ZNF114: variants seen among roughly 807,000 people sequenced by gnomAD.
ZNF114 encodes the protein zinc finger protein 114, also known as zinc finger protein 114 (Y18).
Under a neutral mutation model 6.8 loss-of-function variants are expected in ZNF114, and 8 were observed. The observed-to-expected ratio is 1.18, with a 90% CI of 0.69 to 2.13. ZNF114 has a LOEUF of 2.13. ZNF114 is among the 30% of genes most tolerant of loss of function. The pLI is 0.00. For synonymous variants in ZNF114, 169 were observed against 185.5 expected, an observed-to-expected ratio of 0.91 and a Z score of 0.72; for missense variants, 472 against 519.5, an observed-to-expected ratio of 0.91 and a Z score of 0.89.
At chr19:48,273,888 G>A (rs1041259845) in intron 3 of ZNF114, among the ~76,000 whole-genome samples, 19 of 151,244 alleles carry the variant, frequency 1.3e-4, no homozygotes, top group Non-Finnish European at 4.4e-5. Flanking sequence ...CTCCCGAGTA[G>A]CTGGGACTAC....
In ZNF114 at chr19:48,285,369, G is replaced by A. The variant is rs113462889; in HGVS notation, c.137-392G>A. ...AAAAATTAGCCAGGCATGGTGGCAC[G>A]CACCTGTAATCTCAGCTACTCAGGA... On this transcript the variant is annotated intron_variant, in intron 5 of 5. Transcript: ENST00000595607. 6.7e-3 allele frequency among the ~76,000 whole-genome samples: 1,018 copies of A among 152,146 alleles called. 12 individuals carry two copies. The highest frequency in any genetic ancestry group is 0.023 in the African/African-American group (949 of 41,484).
At chr19:48,274,508 T>TATA (rs1600836581) in intron 3 of ZNF114, among the ~76,000 whole-genome samples, 105 of 29,560 alleles carry the variant, frequency 3.6e-3, no homozygotes, top group Middle Eastern at 0.028. Flanking sequence ...ATATATATAT[T>TATA]TTTTTTTTTT....
chr19:48,270,571 AAG>A (rs961527645), intron 1 of ZNF114, among the ~76,000 whole-genome samples: 13 of 147,162 alleles, frequency 8.8e-5, no homozygotes, highest in African/African-American at 3.2e-4. Context: ...AGAAAGAAAA[AAG>A]AAAGAAGAAA....
intron 5 of ZNF114, among the ~76,000 whole-genome samples, chr19:48,285,317 G>C (rs35307018): frequency 0.013 from 1,943 of 152,236 alleles, 24 homozygotes; most frequent in Middle Eastern, 0.12. Context: ...GGCCAACATG[G>C]TGAAACCCCA....
rs748060512 is a variant in ZNF114, at chr19:48,282,386, G to A, written c.25G>A (p.Ala9Thr). 21 of 1,612,694 alleles carry A rather than the reference G, an allele frequency of 1.3e-5. No individual in the cohort carries two copies. The South Asian group carries it at 1.5e-4, about 12-fold the overall frequency. Residue 9 changes from alanine to threonine, a missense_variant, in exon 5 of 6, where the codon GCA (alanine) becomes ACA (threonine). Ala to Thr is a moderately conservative substitution (Grantham distance 58). Transcript: ENST00000595607. MSQDSVTF[A>T]DVAVNFTKEE... ...GTTATTTTAGGACTCGGTGACCTTC[G>A]CAGACGTGGCTGTGAACTTCACCAA...
intron 3 of ZNF114, among the ~76,000 whole-genome samples, chr19:48,277,104 C>T (rs957986872): frequency 6.6e-6 from 1 of 151,982 alleles, no homozygotes; most frequent in African/African-American, 2.4e-5. Flanking sequence ...GAAGTTGCAG[C>T]GAGCTGAGAT....
At chr19:48,285,670 G>A (rs904379556) in intron 5 of ZNF114, 91 bp from the exon 6 acceptor site, 9 of 1,340,504 alleles carry the variant, frequency 6.7e-6, no homozygotes, top group African/African-American at 5.9e-5. Flanking sequence ...GAAAGAAAGA[G>A]AGAAATCCAC....
intron 5 of ZNF114, among the ~76,000 whole-genome samples, chr19:48,284,485 C>T (rs914591792): frequency 6.6e-6 from 1 of 152,188 alleles, no homozygotes; most frequent in African/African-American, 2.4e-5. Context: ...GGCTGGAGTG[C>T]AGTGGCTCAG....
At chr19:48,285,668 G>GAA in intron 5 of ZNF114, 93 bp from the exon 6 acceptor site, 11 of 1,301,064 alleles carry the variant, frequency 8.5e-6, no homozygotes, top group Non-Finnish European at 1.1e-5. Context: ...AAGAAAGAAA[G>GAA]AGAGAAATCC....
At chr19:48,274,496 ATATATATATATTTT>A (rs1238324347) in intron 3 of ZNF114, among the ~76,000 whole-genome samples, 1,811 of 90,554 alleles carry the variant, frequency 0.02, 26 homozygotes, top group African/African-American at 0.057. Context: ...ATATATATAT[ATATATATATATTTT>A]TTTTTTTTTT....
chr19:48,278,627 G>T (rs1204646885), intron 3 of ZNF114, among the ~76,000 whole-genome samples: 1 of 152,076 alleles, frequency 6.6e-6, no homozygotes, highest in Admixed American at 6.5e-5. Context: ...GTATTGGGTT[G>T]TCTCTACTTT....
chr19:48,279,988 T>C (rs1419005415), intron 4 of ZNF114, among the ~76,000 whole-genome samples, 180 bp downstream of exon 4: 2 of 152,112 alleles, frequency 1.3e-5, no homozygotes, highest in Non-Finnish European at 2.9e-5. Flanking sequence ...GGGATTCTCC[T>C]GGGACCACCC....
rs547039469 is a variant in ZNF114, at chr19:48,281,293, G to A, written c.10-1078G>A. ...ACATTGATTTTCTCACAGTTCTGCAGGCTGGAAGTCCGAGATCAAAATAGC... is the reference window on the plus strand; with the variant it reads ...ACATTGATTTTCTCACAGTTCTGCAAGCTGGAAGTCCGAGATCAAAATAGC... On this transcript the variant is annotated intron_variant, in intron 4 of 5. Transcript: ENST00000595607. Among the ~76,000 whole-genome samples, 4 of 152,202 alleles carry A rather than the reference G, an allele frequency of 2.6e-5. No homozygotes were observed. The South Asian group carries it at 8.3e-4, about 32-fold the overall frequency.
In ZNF114 at chr19:48,280,540, A is replaced by G. The variant is rs1042048278; in HGVS notation, c.9+732A>G. On this transcript the variant is annotated intron_variant, in intron 4 of 5. Coordinates refer to ENST00000595607, the MANE Select transcript of ZNF114 (RefSeq NM_153608.4). ...CAAGCAGTGGACTGAGACGTGCCCCACTCCAAATTTTTTTTTTTTTTTTTT... is the reference window on the plus strand; with the variant it reads ...CAAGCAGTGGACTGAGACGTGCCCCGCTCCAAATTTTTTTTTTTTTTTTTT... 1.3e-4 allele frequency among the ~76,000 whole-genome samples: 18 copies of G among 139,696 alleles called. 1 individual carries two copies. Among genetic ancestry groups the G allele is most frequent in the South Asian group, 1.1e-3 (5 of 4,456 alleles). The allele number at this position is 139,696 out of a possible 152,430, so 91.6% of individuals were successfully genotyped here.
chr19:48,275,173 G>A (rs73045507), intron 3 of ZNF114, among the ~76,000 whole-genome samples: 4 of 139,918 alleles, frequency 2.9e-5, no homozygotes, highest in South Asian at 2.4e-4. Context: ...AGAGAGAGAG[G>A]AAGAGAGAAA....
At chr19:48,279,467 G>T (rs1398301904) in intron 3 of ZNF114, among the ~76,000 whole-genome samples, 2 of 112,400 alleles carry the variant, frequency 1.8e-5, no homozygotes, top group African/African-American at 7.0e-5. Flanking sequence ...GGGGGATGGG[G>T]GTGTGTGGGT....
Position 48,285,778 on chromosome 19 carries a change from A to AT in ZNF114, c.154_155insT (p.Lys52IlefsTer14), listed in dbSNP as rs1338372453. The stretch of plus-strand genomic sequence containing the variant: ...TATTTCAGATTGGGCAACTCCATGT[A>AT]AAACCAAAGACGCAACCCCTCAGCC... On this transcript the variant is annotated frameshift_variant, in exon 6 of 6. Transcript: ENST00000595607. LOFTEE classifies it low-confidence loss of function (END_TRUNC). The AT allele has an allele frequency of 6.2e-7, 1 of 1,607,170 alleles. No individual in the cohort carries two copies.
At chr19:48,274,345 C>A (rs1263283549) in intron 3 of ZNF114, among the ~76,000 whole-genome samples, 1 of 151,446 alleles carries the variant, frequency 6.6e-6, no homozygotes, top group Admixed American at 6.6e-5. Flanking sequence ...TTATGGCATT[C>A]TAACATTTTA....
chr19:48,273,118 A>C (rs1423108759), intron 3 of ZNF114, among the ~76,000 whole-genome samples: 1 of 152,142 alleles, frequency 6.6e-6, no homozygotes, highest in Non-Finnish European at 1.5e-5. Context: ...TGAGGGTTTG[A>C]GTTCCGTGTG....
Sources: allele counts gnomAD v4.1 joint callset (sites outside exome capture counted in the v4.1 genomes callset), GRCh38; gene constraint gnomAD v4.1.1; transcripts MANE v1.5; gene names NCBI Gene and HGNC (gene_info 2026-07-23, HGNC 2026-07-21).